The following CACNA2D3 variants were observed in gnomAD, a reference collection of about 807,000 sequenced individuals.
The protein encoded by CACNA2D3 is calcium voltage-gated channel auxiliary subunit alpha2delta 3.
In CACNA2D3, 60 loss-of-function variants were observed where a neutral mutation model predicts 160.6. The ratio of observed to expected loss-of-function variants is 0.37; its 90% confidence interval spans 0.30 to 0.46. The LOEUF is 0.46. CACNA2D3 is among the 20% of genes least tolerant of loss of function. The pLI is 1.00. For missense variants in CACNA2D3, 1,205 were observed against 1,365.0 expected (o/e 0.88, Z 1.85); for synonymous variants, 558 against 492.9 (o/e 1.13, Z -1.75).
At chr3:54,169,747 A>ATG (rs1491123566) in intron 2 of CACNA2D3, among the ~76,000 whole-genome samples, 2 of 151,092 alleles carry the variant, frequency 1.3e-5, no homozygotes, top group Non-Finnish European at 2.9e-5. Context: ...GCGAGTGTGC[A>ATG]TGTGTGTGTG....
chr3:54,683,410 T>G (rs549132938), intron 11 of CACNA2D3, among the ~76,000 whole-genome samples: 1 of 152,314 alleles, frequency 6.6e-6, no homozygotes, highest in South Asian at 2.1e-4. Flanking sequence ...TAGGAAGTAG[T>G]GATTACAAGC....
intron 9 of CACNA2D3, among the ~76,000 whole-genome samples, chr3:54,608,321 A>G (rs1698679257): frequency 6.6e-6 from 1 of 152,220 alleles, no homozygotes; most frequent in South Asian, 2.1e-4. Context: ...CTTTTATGTC[A>G]GTCTATAATT....
intron 3 of CACNA2D3, among the ~76,000 whole-genome samples, chr3:54,329,635 A>G (rs1303169037): frequency 6.6e-6 from 1 of 152,186 alleles, no homozygotes; most frequent in East Asian, 1.9e-4. Context: ...CTCTTAATTT[A>G]TACTCAGGCC....
chr3:54,313,081 T>C (rs1371217452), intron 2 of CACNA2D3, among the ~76,000 whole-genome samples: 5 of 152,012 alleles, frequency 3.3e-5, no homozygotes, highest in Admixed American at 2.0e-4. Context: ...GGTGGTTCAT[T>C]ATGTGCAGGC....
intron 4 of CACNA2D3, among the ~76,000 whole-genome samples, chr3:54,389,209 C>T (rs953954235): frequency 1.3e-5 from 2 of 151,638 alleles, no homozygotes; most frequent in Non-Finnish European, 2.9e-5. Context: ...ACAGGAGAAT[C>T]GCTTGAAGCT....
intron 4 of CACNA2D3, among the ~76,000 whole-genome samples, chr3:54,468,867 C>G (rs1424382074): frequency 1.3e-5 from 2 of 152,204 alleles, no homozygotes; most frequent in South Asian, 2.1e-4. Flanking sequence ...TGTAGCCGGA[C>G]TGCCTCTCTT....
Position 54,183,892 on chromosome 3 carries a change from G to GAAAAA in CACNA2D3, c.204+60322_204+60326dup, listed in dbSNP as rs58956795. On this transcript the variant is annotated intron_variant, in intron 2 of 37. Transcript: ENST00000474759. ...AAAAGCGAAACTCCGTCTCAAAAAA[G>GAAAAA]AAAAAAAAAAAAAAAAAAAAAAAAA... is the stretch of plus-strand genomic sequence containing the variant. Among the ~76,000 whole-genome samples the GAAAAA allele has an allele frequency of 7.0e-3, 566 of 80,812 alleles. 12 individuals carry two copies. Among genetic ancestry groups the GAAAAA allele is most frequent in the Middle Eastern group, 0.016 (1 of 64 alleles). 53.0% of individuals were successfully genotyped at this position (80,812 alleles called of 152,430 possible). A position where few individuals can be genotyped will look rare whatever the true frequency, so the allele number is the denominator to read the frequency against.
chr3:54,571,018 T>C (rs1702487658), intron 8 of CACNA2D3, among the ~76,000 whole-genome samples: 1 of 152,116 alleles, frequency 6.6e-6, no homozygotes, highest in Non-Finnish European at 1.5e-5. Flanking sequence ...TTTCTACATT[T>C]TAGGGAGACA....
At position 54,207,140 on chromosome 3, in the gene CACNA2D3, G is replaced by T. The variant is rs773674925; in HGVS notation, c.204+83546G>T. 7.9e-5 allele frequency among the ~76,000 whole-genome samples: 12 copies of T among 151,368 alleles called. 1 individual carries two copies. Among genetic ancestry groups the T allele is most frequent in the Admixed American group, 4.0e-4 (6 of 15,006 alleles). ...ACTGCAGAGGAGGCTGGGAAATGTA[G>T]TCTTCTTGGGTGCTCAGATAGAATG... On this transcript the variant is annotated intron_variant, in intron 2 of 37. Coordinates refer to ENST00000474759, the MANE Select transcript of CACNA2D3 (RefSeq NM_018398.3).
At chr3:54,318,716 A>T (rs1308307231) in intron 2 of CACNA2D3, among the ~76,000 whole-genome samples, 3 of 135,350 alleles carry the variant, frequency 2.2e-5, no homozygotes, top group Non-Finnish European at 4.6e-5. Context: ...TTTTTCTGAG[A>T]CAAGGCCTTA....
chr3:54,353,231 T>C lies in CACNA2D3; in HGVS notation c.321+32673T>C, dbSNP rs527470230. 5.3e-5 allele frequency among the ~76,000 whole-genome samples: 8 copies of C among 152,278 alleles called. No individual in the cohort carries two copies. In the South Asian group the frequency reaches 1.7e-3, roughly 32 times the overall value. On this transcript the variant is annotated intron_variant, in intron 3 of 37. Coordinates refer to ENST00000474759, the MANE Select transcript of CACNA2D3 (RefSeq NM_018398.3). ...AGAGCTATTCCCTCAAAGTCAGAAATAGCAGTATAGTTAGGGAAGCAGAAT... is the reference window on the plus strand; with the variant it reads ...AGAGCTATTCCCTCAAAGTCAGAAACAGCAGTATAGTTAGGGAAGCAGAAT...
intron 2 of CACNA2D3, among the ~76,000 whole-genome samples, chr3:54,181,553 G>A (rs1700784111): frequency 6.6e-6 from 1 of 152,102 alleles, no homozygotes; most frequent in African/African-American, 2.4e-5. Flanking sequence ...CCCTAACATA[G>A]ACCTCCATTA....
chr3:55,013,236 A>G lies in CACNA2D3; in HGVS notation c.2875+3793A>G, dbSNP rs13326435. 5.9e-3 allele frequency among the ~76,000 whole-genome samples: 902 copies of G among 152,234 alleles called. 11 individuals are homozygous for G. Among genetic ancestry groups the G allele is most frequent in the African/African-American group, 0.021 (853 of 41,540 alleles). On this transcript the variant is annotated intron_variant, in intron 34 of 37. Transcript: ENST00000474759. ...TGGGGACTGCTAGAATTTGCCACCAAGCCTCTCTGAAGCACCTAAGTCAGA... is the reference window on the plus strand; with the variant it reads ...TGGGGACTGCTAGAATTTGCCACCAGGCCTCTCTGAAGCACCTAAGTCAGA...
chr3:54,276,407 A>T (rs1702739462), intron 2 of CACNA2D3, among the ~76,000 whole-genome samples: 1 of 151,796 alleles, frequency 6.6e-6, no homozygotes, highest in Non-Finnish European at 1.5e-5. Flanking sequence ...TGTCTCTACT[A>T]AAAAAAACCA....
At chr3:54,227,211 G>A (rs1467597945) in intron 2 of CACNA2D3, among the ~76,000 whole-genome samples, 3 of 152,158 alleles carry the variant, frequency 2.0e-5, no homozygotes, top group Admixed American at 6.5e-5. Context: ...ATATGTTACT[G>A]TGTAGGGGCT....
At chr3:54,228,804 A>G (rs2107388785) in intron 2 of CACNA2D3, among the ~76,000 whole-genome samples, 1 of 152,330 alleles carries the variant, frequency 6.6e-6, no homozygotes, top group Non-Finnish European at 1.5e-5. Context: ...TATATTGTCA[A>G]GCATGGAGTC....
At position 54,818,674 on chromosome 3, in the gene CACNA2D3, A is replaced by G. The variant is rs561466535; in HGVS notation, c.1398+1804A>G. ...ATATAAAAGTCAAGGAAGGTACCTC[A>G]GCTGGCTTCCTAATTTTTTTCCCTG... On this transcript the variant is annotated intron_variant, in intron 14 of 37. Coordinates refer to ENST00000474759, the MANE Select transcript of CACNA2D3 (RefSeq NM_018398.3). Among the ~76,000 whole-genome samples the G allele has an allele frequency of 2.0e-3, 305 of 152,322 alleles. 2 individuals are homozygous for G. The highest frequency in any genetic ancestry group is 7.0e-3 in the African/African-American group (293 of 41,572).
chr3:54,695,581 C>T (rs1456359747), intron 11 of CACNA2D3, among the ~76,000 whole-genome samples: 1 of 152,162 alleles, frequency 6.6e-6, no homozygotes, highest in Non-Finnish European at 1.5e-5. Flanking sequence ...CTCTCTTCCC[C>T]TTACCTGCTA....
At chr3:55,073,096 A>G (rs181518828) in intron 35 of CACNA2D3, among the ~76,000 whole-genome samples, 1 of 152,320 alleles carries the variant, frequency 6.6e-6, no homozygotes, top group Non-Finnish European at 1.5e-5. Context: ...GGTAATGTTT[A>G]GGCTCTGGGA....
Sources: allele counts gnomAD v4.1 joint callset (sites outside exome capture counted in the v4.1 genomes callset), GRCh38; gene constraint gnomAD v4.1.1; transcripts MANE v1.5; gene names NCBI Gene and HGNC (gene_info 2026-07-23, HGNC 2026-07-21).